NLGN4Y: variants seen among roughly 807,000 people sequenced by gnomAD.
The protein encoded by NLGN4Y is neuroligin-4, Y-linked.
NLGN4Y carries 4 observed loss-of-function variants against 8.4 expected under a neutral mutation model. The ratio of observed to expected loss-of-function variants is 0.48; its 90% CI spans 0.23 to 1.09. The LOEUF is 1.09. NLGN4Y is among the 50% of genes least tolerant of loss of function. The pLI is 0.19. For synonymous variants in NLGN4Y, 35 were observed against 75.6 expected, an observed-to-expected ratio of 0.46 and a Z score of 2.78; for missense variants, 90 against 192.3, an observed-to-expected ratio of 0.47 and a Z score of 3.15.
chrY:14,680,507 G>C, intron 2 of NLGN4Y, among the ~76,000 whole-genome samples: 1 of 33,138 alleles, frequency 3.0e-5, no homozygotes. Context: ...CTATTCTCTT[G>C]TGTAATGAAG....
chrY:14,601,333 C>T (rs2080426110), intron 1 of NLGN4Y, among the ~76,000 whole-genome samples: 1 of 31,416 alleles, frequency 3.2e-5, no homozygotes, highest in Admixed American at 2.9e-4. Flanking sequence ...TCTCGAACTC[C>T]TTACCTCGTG....
At chrY:14,830,667 C>T in intron 6 of NLGN4Y, 148 bp downstream of exon 6, 1 of 183,668 alleles carries the variant, frequency 5.4e-6, no homozygotes, top group Admixed American at 9.2e-5. Flanking sequence ...ACAGCAATAA[C>T]AGGCAGCTTC....
intron 4 of NLGN4Y, among the ~76,000 whole-genome samples, chrY:14,806,830 G>A (rs779735380): frequency 3.7e-5 from 1 of 27,323 alleles, no homozygotes; most frequent in Admixed American, 3.3e-4. Flanking sequence ...CATCCCTCCT[G>A]CTTAGAGAAA....
At chrY:14,735,462 T>G (rs1052945763) in intron 4 of NLGN4Y, among the ~76,000 whole-genome samples, 12 of 34,078 alleles carry the variant, frequency 3.5e-4, no homozygotes, top group Non-Finnish European at 7.3e-4. Flanking sequence ...TTCCCCTTCT[T>G]CCATGATTGC....
intron 4 of NLGN4Y, among the ~76,000 whole-genome samples, chrY:14,772,207 A>T: frequency 3.0e-5 from 1 of 33,151 alleles, no homozygotes; most frequent in Non-Finnish European, 7.5e-5. Context: ...TTAAATAGAC[A>T]CAGTAAAAGT....
intron 4 of NLGN4Y, among the ~76,000 whole-genome samples, chrY:14,780,846 T>C: frequency 3.0e-5 from 1 of 33,190 alleles, no homozygotes; most frequent in Non-Finnish European, 7.4e-5. Flanking sequence ...TGGAAAGTAA[T>C]GGAGATGTCC....
chrY:14,586,583 G>A (rs2080341974), intron 1 of NLGN4Y, among the ~76,000 whole-genome samples: 1 of 32,294 alleles, frequency 3.1e-5, no homozygotes, highest in Non-Finnish European at 7.5e-5. Flanking sequence ...TAATCCCAGC[G>A]CTTTCGGAGG....
intron 1 of NLGN4Y, among the ~76,000 whole-genome samples, chrY:14,558,597 A>G (rs2080217129): frequency 4.6e-4 from 15 of 32,585 alleles, no homozygotes. Flanking sequence ...TTAGGGAAAA[A>G]TACATACACA....
chrY:14,727,680 A>G (rs2080959231), intron 4 of NLGN4Y, among the ~76,000 whole-genome samples: 1 of 33,384 alleles, frequency 3.0e-5, no homozygotes, highest in Non-Finnish European at 7.4e-5. Flanking sequence ...TAAAAAGAAA[A>G]TGTAGGAGAG....
intron 2 of NLGN4Y, among the ~76,000 whole-genome samples, chrY:14,681,574 C>T (rs2080770637): frequency 3.0e-5 from 1 of 33,799 alleles, no homozygotes; most frequent in South Asian, 6.4e-4. Flanking sequence ...CCTTAGGGAG[C>T]AAAAGGGACA....
rs755260664 is a variant in NLGN4Y, at chrY:14,727,878, G to C, written c.685+4609G>C. 1.8e-4 allele frequency among the ~76,000 whole-genome samples: 6 copies of C among 33,229 alleles called. No homozygotes were observed. In the South Asian group the frequency reaches 4.1e-3, roughly 23 times the overall value. 89.2% of individuals were successfully genotyped at this position (33,229 alleles called of 37,273 possible). A position where few individuals can be genotyped will look rare whatever the true frequency, so the allele number is the denominator to read the frequency against. On this transcript the variant is annotated intron_variant, in intron 4 of 6. Transcript: ENST00000684976. ...TCATTTGACAAATGAAGAAATGAAG[G>C]CTTGTGGTCAGGGTCACAAAACTTG...
intron 2 of NLGN4Y, among the ~76,000 whole-genome samples, chrY:14,681,417 G>A (rs2080769943): frequency 3.1e-4 from 10 of 32,592 alleles, no homozygotes; most frequent in African/African-American, 1.2e-3. Context: ...CTGCCCCCAT[G>A]ATCTAAACAC....
At chrY:14,734,191 G>T (rs2080984256) in intron 4 of NLGN4Y, among the ~76,000 whole-genome samples, 1 of 33,711 alleles carries the variant, frequency 3.0e-5, no homozygotes, top group African/African-American at 1.2e-4. Context: ...CTCCAAAGCT[G>T]CACCATCACG....
Position 14,837,116 on chromosome Y carries a change from G to T in NLGN4Y, c.1662-3297G>T, listed in dbSNP as rs542587603. Among the ~76,000 whole-genome samples, 234 of 33,471 alleles carry T rather than the reference G, an allele frequency of 7.0e-3. No individual in the cohort carries two copies. The South Asian group carries it at 0.15, about 22-fold the overall frequency. 89.8% of individuals were successfully genotyped at this position (33,471 alleles called of 37,273 possible). ...CCCAATGAAGTGTTTAGCAGGGATT[G>T]GTTACAGAGAGTTGCAGCATAATTC... On this transcript the variant is annotated intron_variant, in intron 6 of 6. Coordinates refer to ENST00000684976, the MANE Select transcript of NLGN4Y (RefSeq NM_001365588.1).
At chrY:14,832,186 C>T in intron 6 of NLGN4Y, among the ~76,000 whole-genome samples, 2 of 34,714 alleles carry the variant, frequency 5.8e-5, no homozygotes, top group Admixed American at 5.1e-4. Flanking sequence ...ATGAGCTGTA[C>T]ACAGTAATTC....
chrY:14,556,940 A>C, intron 1 of NLGN4Y, among the ~76,000 whole-genome samples: 1 of 33,806 alleles, frequency 3.0e-5, no homozygotes, highest in Non-Finnish European at 7.4e-5. Context: ...ACAGAGTTAA[A>C]TCACTTACTC....
At chrY:14,809,366 T>C (rs1033002735) in intron 4 of NLGN4Y, among the ~76,000 whole-genome samples, 1 of 32,470 alleles carries the variant, frequency 3.1e-5, no homozygotes, top group African/African-American at 1.2e-4. Context: ...TCCCACCTAT[T>C]TGGGGGACTG....
chrY:14,744,963 T>C, intron 4 of NLGN4Y, among the ~76,000 whole-genome samples: 1 of 33,397 alleles, frequency 3.0e-5, no homozygotes. Flanking sequence ...TTTGCATACC[T>C]AACCAAAGCA....
At chrY:14,818,618 G>C in intron 4 of NLGN4Y, among the ~76,000 whole-genome samples, 1 of 33,254 alleles carries the variant, frequency 3.0e-5, no homozygotes, top group South Asian at 7.0e-4. Context: ...TTTGTCCTCT[G>C]GGGCAGTGTG....
Sources: allele counts gnomAD v4.1 joint callset (sites outside exome capture counted in the v4.1 genomes callset), GRCh38; gene constraint gnomAD v4.1.1; transcripts MANE v1.5; gene names NCBI Gene and HGNC (gene_info 2026-07-23, HGNC 2026-07-21).